LYNX1: variants seen among roughly 807,000 people sequenced by gnomAD.
LYNX1 encodes Ly6/neurotoxin 1, also known as ly-6/neurotoxin-like protein 1.
In LYNX1, 8 loss-of-function variants were observed where a neutral mutation model predicts 8.3. The ratio of observed to expected loss-of-function variants is 0.97; its 90% CI spans 0.57 to 1.74. The LOEUF is 1.74. Ranked by LOEUF, LYNX1 falls within the 40% of genes most tolerant of loss-of-function variation. LYNX1 has a pLI of 0.00. For synonymous variants in LYNX1, 73 were observed against 67.9 expected (o/e 1.08, Z -0.37); for missense variants, 158 against 159.7 (o/e 0.99, Z 0.06).
chr8:142,771,926 T>G lies in LYNX1; in HGVS notation c.*3241A>C, dbSNP rs1815200021. 1 of 985,948 alleles carries G rather than the reference T, an allele frequency of 1.0e-6. No homozygotes were observed. Among genetic ancestry groups the G allele is most frequent in the African/African-American group, 1.7e-5 (1 of 57,300 alleles). The allele number at this position is 985,948 out of a possible 1,614,324, so 61.1% of individuals were successfully genotyped here. Reference sequence around the variant, plus strand: ...GGGTGTCCCCATGCTGACCTGGCCATGTCCCCAGGTCCCACCCCAGGGTCA... The same window carrying G: ...GGGTGTCCCCATGCTGACCTGGCCAGGTCCCCAGGTCCCACCCCAGGGTCA... On this transcript the variant is annotated 3_prime_UTR_variant, in exon 4 of 4. Transcript: ENST00000652477.
intron 2 of LYNX1, 39 bp from the exon 3 acceptor site, chr8:142,775,733 C>G (rs376092379): frequency 3.2e-6 from 5 of 1,556,970 alleles, no homozygotes; most frequent in Non-Finnish European, 4.4e-6. Flanking sequence ...ACGGGGGTCA[C>G]AGAACATGAG....
intron 3 of LYNX1, 88 bp from the exon 4 acceptor site, chr8:142,775,451 C>A (rs1010154481): frequency 4.4e-6 from 7 of 1,577,574 alleles, no homozygotes; most frequent in Non-Finnish European, 6.0e-6. Context: ...GCCATCAGGG[C>A]AGGGCCCCTC....
At position 142,774,623 on chromosome 8, in the gene LYNX1, C is replaced by T; in HGVS notation, c.*544G>A. On this transcript the variant is annotated 3_prime_UTR_variant, in exon 4 of 4. Coordinates refer to ENST00000652477, the MANE Select transcript of LYNX1 (RefSeq NM_177477.4). ...AACTCGGGCCTGGCAGACTTCCTAGCACAGGGGCCGGTGCCAAAGGCCCTC... is the reference window on the plus strand; with the variant it reads ...AACTCGGGCCTGGCAGACTTCCTAGTACAGGGGCCGGTGCCAAAGGCCCTC... 2 of 987,092 alleles carry T rather than the reference C, an allele frequency of 2.0e-6. No individual in the cohort carries two copies. The highest frequency in any genetic ancestry group is 2.4e-6 in the Non-Finnish European group (2 of 831,072). 61.1% of individuals were successfully genotyped at this position (987,092 alleles called of 1,614,324 possible).
rs768640927 is a variant in LYNX1 at position 142,774,348 on chromosome 8, C to T, written c.*819G>A. 1,731 of 985,942 alleles carry T rather than the reference C, an allele frequency of 1.8e-3. 1 individual carries two copies. The highest frequency in any genetic ancestry group is 2.0e-3 in the Non-Finnish European group (1,695 of 830,384). 61.1% of individuals were successfully genotyped at this position (985,942 alleles called of 1,614,324 possible). A position where few individuals can be genotyped will look rare whatever the true frequency, so the allele number is the denominator to read the frequency against. ...GGACCAGGACTCGGGGGACCACCTG[C>T]TCTGCCCCTTTCCCTCCCTGCCCAG... is the stretch of plus-strand genomic sequence containing the variant. On this transcript the variant is annotated 3_prime_UTR_variant, in exon 4 of 4. Coordinates refer to ENST00000652477, the MANE Select transcript of LYNX1 (RefSeq NM_177477.4).
Position 142,775,034 on chromosome 8 carries a change from C to T in LYNX1, c.*133G>A. On this transcript the variant is annotated 3_prime_UTR_variant, in exon 4 of 4. Transcript: ENST00000652477. ...TTGGGGGAGGTCGGGTGTCTTCTTG[C>T]CCACAGTCCTGACCCTGGGCATGGC... 1 of 1,445,974 alleles carries T rather than the reference C, an allele frequency of 6.9e-7. No homozygotes were observed. Among genetic ancestry groups the T allele is most frequent in the Non-Finnish European group, 9.1e-7 (1 of 1,103,084 alleles). 89.6% of individuals were successfully genotyped at this position (1,445,974 alleles called of 1,614,324 possible). A position where few individuals can be genotyped will look rare whatever the true frequency, so the allele number is the denominator to read the frequency against.
rs775232743 is a variant in LYNX1, at chr8:142,774,675, T to A, written c.*492A>T. 2.0e-6 allele frequency: 2 copies of A among 992,676 alleles called. No individual in the cohort carries two copies. Among genetic ancestry groups the A allele is most frequent in the Non-Finnish European group, 2.4e-6 (2 of 834,490 alleles). 61.5% of individuals were successfully genotyped at this position (992,676 alleles called of 1,614,324 possible). A position where few individuals can be genotyped will look rare whatever the true frequency, so the allele number is the denominator to read the frequency against. On this transcript the variant is annotated 3_prime_UTR_variant, in exon 4 of 4. Coordinates refer to ENST00000652477, the MANE Select transcript of LYNX1 (RefSeq NM_177477.4). ...TCCCACAGCCCTGATCCCGTACCGG[T>A]CCTGGCAGCTCCTGGCCTCAGTAGG...
chr8:142,772,871 T>A lies in LYNX1; in HGVS notation c.*2296A>T. 1.0e-6 allele frequency: 1 copy of A among 985,868 alleles called. No homozygotes were observed. The highest frequency in any genetic ancestry group is 4.7e-5 in the South Asian group (1 of 21,288). The allele number at this position is 985,868 out of a possible 1,614,324, so 61.1% of individuals were successfully genotyped here. On this transcript the variant is annotated 3_prime_UTR_variant, in exon 4 of 4. Transcript: ENST00000652477. ...GAACCATGTGTGGGGCTGGGACAGG[T>A]CAGGGTGGTGGAAAGGTGGACAGAA...
Position 142,775,032 on chromosome 8 carries a change from T to A in LYNX1, c.*135A>T. 1 of 1,445,802 alleles carries A rather than the reference T, an allele frequency of 6.9e-7. No homozygotes were observed. Among genetic ancestry groups the A allele is most frequent in the East Asian group, 2.5e-5 (1 of 40,168 alleles). The allele number at this position is 1,445,802 out of a possible 1,614,324, so 89.6% of individuals were successfully genotyped here. ...GGTTGGGGGAGGTCGGGTGTCTTCT[T>A]GCCCACAGTCCTGACCCTGGGCATG... On this transcript the variant is annotated 3_prime_UTR_variant, in exon 4 of 4. Coordinates refer to ENST00000652477, the MANE Select transcript of LYNX1 (RefSeq NM_177477.4).
chr8:142,774,713 G>A lies in LYNX1; in HGVS notation c.*454C>T. On this transcript the variant is annotated 3_prime_UTR_variant, in exon 4 of 4. Transcript: ENST00000652477. ...TGGCCTCAGTAGGAAGCGTGACTAG[G>A]CCTGGAGGAGCCTTTCCTCCTAAGA... The A allele has an allele frequency of 2.0e-6, 2 of 1,008,076 alleles. No individual in the cohort carries two copies. Among genetic ancestry groups the A allele is most frequent in the Admixed American group, 5.3e-5 (1 of 18,760 alleles). 62.4% of individuals were successfully genotyped at this position (1,008,076 alleles called of 1,614,324 possible).
rs895507650 is a variant in LYNX1 at position 142,774,056 on chromosome 8, C to T, written c.*1111G>A. The T allele has an allele frequency of 5.1e-6, 5 of 985,356 alleles. No individual in the cohort carries two copies. Among genetic ancestry groups the T allele is most frequent in the Non-Finnish European group, 4.8e-6 (4 of 829,994 alleles). 61.0% of individuals were successfully genotyped at this position (985,356 alleles called of 1,614,324 possible). Reference sequence around the variant, plus strand: ...ACACCCAGCTGGGGCTTCCACCCTGCCCTCCCAGTGGGTGCATCCCCAGGT... The same window carrying T: ...ACACCCAGCTGGGGCTTCCACCCTGTCCTCCCAGTGGGTGCATCCCCAGGT... On this transcript the variant is annotated 3_prime_UTR_variant, in exon 4 of 4. Transcript: ENST00000652477.
In LYNX1 at chr8:142,772,446, C is replaced by G. The variant is rs1421324113; in HGVS notation, c.*2721G>C. On this transcript the variant is annotated 3_prime_UTR_variant, in exon 4 of 4. Coordinates refer to ENST00000652477, the MANE Select transcript of LYNX1 (RefSeq NM_177477.4). ...TTTCCATTTTGTAAACTCACCTCCC[C>G]CTTCCCAGGCTTGGGGGTCCAAGGA... is the stretch of plus-strand genomic sequence containing the variant. The G allele has an allele frequency of 1.0e-6, 1 of 985,512 alleles. No individual in the cohort carries two copies. The allele number at this position is 985,512 out of a possible 1,614,324, so 61.0% of individuals were successfully genotyped here.
In LYNX1 at chr8:142,773,456, T is replaced by C; in HGVS notation, c.*1711A>G. ...CCATCTTCCCTCTGGGGAGTCACGT[T>C]CCTCCCGCTCCGGGCCCGTTCCCAC... On this transcript the variant is annotated 3_prime_UTR_variant, in exon 4 of 4. Coordinates refer to ENST00000652477, the MANE Select transcript of LYNX1 (RefSeq NM_177477.4). 1 of 985,404 alleles carries C rather than the reference T, an allele frequency of 1.0e-6. No individual in the cohort carries two copies. The highest frequency in any genetic ancestry group is 1.7e-5 in the African/African-American group (1 of 57,314). The allele number at this position is 985,404 out of a possible 1,614,324, so 61.0% of individuals were successfully genotyped here.
At position 142,771,452 on chromosome 8, in the gene LYNX1, A is replaced by G; in HGVS notation, c.*3715T>C. ...CAAATGAAGCTCAGGGCTGGGCGGAAGCTGGCAGGGCTGTCCACAGGGAGG... is the reference window on the plus strand; with the variant it reads ...CAAATGAAGCTCAGGGCTGGGCGGAGGCTGGCAGGGCTGTCCACAGGGAGG... On this transcript the variant is annotated 3_prime_UTR_variant, in exon 4 of 4. Coordinates refer to ENST00000652477, the MANE Select transcript of LYNX1 (RefSeq NM_177477.4). 2.0e-6 allele frequency: 2 copies of G among 985,450 alleles called. No individual in the cohort carries two copies. Among genetic ancestry groups the G allele is most frequent in the South Asian group, 4.7e-5 (1 of 21,272 alleles). 61.0% of individuals were successfully genotyped at this position (985,450 alleles called of 1,614,324 possible).
Position 142,773,871 on chromosome 8 carries a change from G to A in LYNX1, c.*1296C>T, listed in dbSNP as rs143118845. On this transcript the variant is annotated 3_prime_UTR_variant, in exon 4 of 4. Coordinates refer to ENST00000652477, the MANE Select transcript of LYNX1 (RefSeq NM_177477.4). ...GAGCACTGGTCAGGTGGGGGCCTCA[G>A]GTGCAGCGTGACCGCTGGCACCAAA... The A allele has an allele frequency of 2.0e-6, 2 of 985,312 alleles. No homozygotes were observed. Among genetic ancestry groups the A allele is most frequent in the African/African-American group, 1.7e-5 (1 of 57,224 alleles). The allele number at this position is 985,312 out of a possible 1,614,324, so 61.0% of individuals were successfully genotyped here.
Position 142,774,784 on chromosome 8 carries a change from C to T in LYNX1, c.*383G>A, listed in dbSNP as rs1236504038. On this transcript the variant is annotated 3_prime_UTR_variant, in exon 4 of 4. Transcript: ENST00000652477. ...GCGGGCATTCCTTGTCTTCCCCCTG[C>T]CCCAGCACACCAGGGGCAGACTGAG... is the stretch of plus-strand genomic sequence containing the variant. The T allele has an allele frequency of 9.3e-7, 1 of 1,079,224 alleles. No individual in the cohort carries two copies. The highest frequency in any genetic ancestry group is 6.5e-5 in the East Asian group (1 of 15,442). The allele number at this position is 1,079,224 out of a possible 1,614,324, so 66.9% of individuals were successfully genotyped here. A position where few individuals can be genotyped will look rare whatever the true frequency, so the allele number is the denominator to read the frequency against.
chr8:142,774,368 G>T lies in LYNX1; in HGVS notation c.*799C>A. ...ACCTGCTCTGCCCCTTTCCCTCCCTGCCCAGAATAGCGCTGGCCGGGTCAG... is the reference window on the plus strand; with the variant it reads ...ACCTGCTCTGCCCCTTTCCCTCCCTTCCCAGAATAGCGCTGGCCGGGTCAG... On this transcript the variant is annotated 3_prime_UTR_variant, in exon 4 of 4. Coordinates refer to ENST00000652477, the MANE Select transcript of LYNX1 (RefSeq NM_177477.4). 2 of 985,908 alleles carry T rather than the reference G, an allele frequency of 2.0e-6. No individual in the cohort carries two copies. The highest frequency in any genetic ancestry group is 2.4e-6 in the Non-Finnish European group (2 of 830,208). 61.1% of individuals were successfully genotyped at this position (985,908 alleles called of 1,614,324 possible).
rs941707137 is a variant in LYNX1, at chr8:142,771,205, G to A, written c.*3962C>T. 1.6e-5 allele frequency: 16 copies of A among 985,416 alleles called. No individual in the cohort carries two copies. The highest frequency in any genetic ancestry group is 5.2e-4 in the Middle Eastern group (1 of 1,936). 61.0% of individuals were successfully genotyped at this position (985,416 alleles called of 1,614,324 possible). A position where few individuals can be genotyped will look rare whatever the true frequency, so the allele number is the denominator to read the frequency against. On this transcript the variant is annotated 3_prime_UTR_variant, in exon 4 of 4. Transcript: ENST00000652477. ...GGCTGGAGAGAAGCGCAGACAATGCGAATCTGTTGATTTATTTACGGCTCG... is the reference window on the plus strand; with the variant it reads ...GGCTGGAGAGAAGCGCAGACAATGCAAATCTGTTGATTTATTTACGGCTCG...
In LYNX1 at chr8:142,775,070, G is replaced by A. The variant is rs1463200184; in HGVS notation, c.*97C>T. 2.0e-6 allele frequency: 3 copies of A among 1,495,290 alleles called. No homozygotes were observed. Among genetic ancestry groups the A allele is most frequent in the Non-Finnish European group, 2.7e-6 (3 of 1,124,238 alleles). 92.6% of individuals were successfully genotyped at this position (1,495,290 alleles called of 1,614,324 possible). On this transcript the variant is annotated 3_prime_UTR_variant, in exon 4 of 4. Coordinates refer to ENST00000652477, the MANE Select transcript of LYNX1 (RefSeq NM_177477.4). ...GACCCTGGGCATGGCTGAGGAGGTC[G>A]CAGGGAGTGTGGAGGGTGAGGCAGG...
chr8:142,772,034 C>A lies in LYNX1; in HGVS notation c.*3133G>T. ...CCCAGGGTGCCAGAGCCCACCCAAGCAGCCACTCCTGTCCAGTTCCCAGAA... is the reference window on the plus strand; with the variant it reads ...CCCAGGGTGCCAGAGCCCACCCAAGAAGCCACTCCTGTCCAGTTCCCAGAA... On this transcript the variant is annotated 3_prime_UTR_variant, in exon 4 of 4. Transcript: ENST00000652477. 1 of 986,206 alleles carries A rather than the reference C, an allele frequency of 1.0e-6. No individual in the cohort carries two copies. The highest frequency in any genetic ancestry group is 1.2e-6 in the Non-Finnish European group (1 of 830,074). 61.1% of individuals were successfully genotyped at this position (986,206 alleles called of 1,614,324 possible).
Sources: gnomAD v4.1 joint callset for allele counts on GRCh38, gnomAD v4.1.1 for gene constraint, MANE v1.5 for transcripts, NCBI Gene and HGNC (gene_info 2026-07-23, HGNC 2026-07-21) for gene names.